TRDN: variants seen among roughly 807,000 people sequenced by gnomAD.
TRDN encodes triadin, also known as triadin in skeletal muscle.
A neutral mutation model predicts 149.7 loss-of-function variants in TRDN; 161 were observed. That is an observed-to-expected ratio of 1.08 (90% CI 0.95 to 1.23). The LOEUF (loss-of-function observed/expected upper bound fraction) is 1.23, where lower values mean the gene tolerates loss of function less well. TRDN is among the 50% of genes most tolerant of loss of function. The pLI, the probability that TRDN is intolerant of heterozygous loss-of-function variation, is 0.00. For missense variants in TRDN, 896 were observed against 823.5 expected, an observed-to-expected ratio of 1.09 and a Z score of -1.08; for synonymous variants, 294 against 250.5, an observed-to-expected ratio of 1.17 and a Z score of -1.64.
At chr6:123,303,525 G>A (rs1298645948) in intron 24 of TRDN, among the ~76,000 whole-genome samples, 5 of 152,136 alleles carry the variant, frequency 3.3e-5, no homozygotes, top group African/African-American at 1.2e-4. Context: ...CATGTTTACC[G>A]CTAGAAAGTC....
intron 1 of TRDN, among the ~76,000 whole-genome samples, chr6:123,626,640 T>G (rs559899739): frequency 6.6e-6 from 1 of 152,264 alleles, no homozygotes; most frequent in African/African-American, 2.4e-5. Flanking sequence ...TCATGAGGGT[T>G]GGAATCAACT....
intron 38 of TRDN, among the ~76,000 whole-genome samples, chr6:123,243,847 C>T (rs1776077997): frequency 6.6e-6 from 1 of 151,696 alleles, no homozygotes; most frequent in Admixed American, 6.6e-5. Context: ...TATCAATGTC[C>T]CCAGGAGCAA....
chr6:123,551,194 T>C (rs1014327807), intron 2 of TRDN, among the ~76,000 whole-genome samples: 3 of 61,452 alleles, frequency 4.9e-5, no homozygotes, highest in Non-Finnish European at 6.8e-5. Flanking sequence ...GCACTGTATG[T>C]ATTTTGCAGA....
chr6:123,539,359 G>A (rs1242464972), intron 4 of TRDN, among the ~76,000 whole-genome samples: 1 of 152,122 alleles, frequency 6.6e-6, no homozygotes, highest in African/African-American at 2.4e-5. Context: ...CATGGGCCAT[G>A]CTTTGAATTT....
At chr6:123,559,531 T>C (rs75380127) in intron 2 of TRDN, among the ~76,000 whole-genome samples, 1 of 152,088 alleles carries the variant, frequency 6.6e-6, no homozygotes, top group Non-Finnish European at 1.5e-5. Flanking sequence ...AAGAATAAGA[T>C]ACCTCTACTC....
chr6:123,623,584 C>G (rs900341421), intron 1 of TRDN, among the ~76,000 whole-genome samples: 1 of 152,132 alleles, frequency 6.6e-6, no homozygotes, highest in Non-Finnish European at 1.5e-5. Flanking sequence ...GCTTGGTTCA[C>G]TGAACCCAAG....
At chr6:123,481,615 C>T (rs972104791) in intron 9 of TRDN, among the ~76,000 whole-genome samples, 12 of 151,994 alleles carry the variant, frequency 7.9e-5, no homozygotes, top group African/African-American at 2.9e-4. Context: ...TAAGATGATC[C>T]ATACCTAGAA....
intron 22 of TRDN, among the ~76,000 whole-genome samples, chr6:123,333,287 G>C (rs1779731076): frequency 6.6e-6 from 1 of 151,976 alleles, no homozygotes; most frequent in Non-Finnish European, 1.5e-5. Flanking sequence ...TGATCTAAAT[G>C]GGTGAGTGTG....
At chr6:123,267,662 A>C in intron 32 of TRDN, 45 bp downstream of exon 32, 1 of 1,317,580 alleles carries the variant, frequency 7.6e-7, no homozygotes, top group Non-Finnish European at 1.0e-6. Flanking sequence ...ATATAATAAA[A>C]ATAGTGAACA....
intron 2 of TRDN, among the ~76,000 whole-genome samples, chr6:123,562,991 A>T (rs1465321343): frequency 6.6e-6 from 1 of 152,178 alleles, no homozygotes; most frequent in African/African-American, 2.4e-5. Context: ...TTCTCAACTG[A>T]AATTTTTCCA....
Position 123,277,716 on chromosome 6 carries a change from G to A in TRDN, c.1567+602C>T, listed in dbSNP as rs1777423500. On this transcript the variant is annotated intron_variant, in intron 26 of 40. Transcript: ENST00000334268. ...TTTCTCTCTACAGATTTCATGGAAAGCATGTCCCTTGTGACACCTTCATTT... is the reference window on the plus strand; with the variant it reads ...TTTCTCTCTACAGATTTCATGGAAAACATGTCCCTTGTGACACCTTCATTT... Among the ~76,000 whole-genome samples the A allele has an allele frequency of 3.3e-5, 5 of 152,154 alleles. No individual in the cohort carries two copies. In the South Asian group the frequency reaches 1.0e-3, roughly 31 times the overall value.
chr6:123,223,181 G>A (rs996817580), intron 39 of TRDN, among the ~76,000 whole-genome samples: 1 of 151,620 alleles, frequency 6.6e-6, no homozygotes, highest in African/African-American at 2.4e-5. Context: ...GCAAACTAAT[G>A]CAGGAACAGA....
chr6:123,440,065 T>A (rs2114599982), intron 10 of TRDN, among the ~76,000 whole-genome samples: 1 of 152,298 alleles, frequency 6.6e-6, no homozygotes, highest in South Asian at 2.1e-4. Flanking sequence ...CTAGAATGAA[T>A]CCTTAAGTTG....
intron 12 of TRDN, among the ~76,000 whole-genome samples, chr6:123,403,772 T>C (rs1055318168): frequency 4.0e-5 from 6 of 151,510 alleles, no homozygotes; most frequent in Admixed American, 6.6e-5. Context: ...TAACTGAAAA[T>C]AGAATTTTAC....
At chr6:123,327,215 A>T (rs1170216433) in intron 23 of TRDN, among the ~76,000 whole-genome samples, 2 of 152,060 alleles carry the variant, frequency 1.3e-5, no homozygotes, top group Non-Finnish European at 1.5e-5. Context: ...GCTCGCTGTT[A>T]TGTTCTCTCA....
At position 123,392,780 on chromosome 6, in the gene TRDN, C is replaced by T. The variant is rs1036214241; in HGVS notation, c.1105+844G>A. ...GGGTGATTCTGCATGTTGCTGGGTC[C>T]AAGATTAAATACAAGAGAAAAATTT... On this transcript the variant is annotated intron_variant, in intron 13 of 40. Transcript: ENST00000334268. Among the ~76,000 whole-genome samples, 5 of 151,832 alleles carry T rather than the reference C, an allele frequency of 3.3e-5. No individual in the cohort carries two copies. The East Asian group carries it at 7.7e-4, about 23-fold the overall frequency.
At chr6:123,270,923 G>C (rs1294307709) in intron 30 of TRDN, among the ~76,000 whole-genome samples, 1 of 151,826 alleles carries the variant, frequency 6.6e-6, no homozygotes, top group Non-Finnish European at 1.5e-5. Context: ...TTAAAGTTAT[G>C]CTACTCTAGC....
intron 1 of TRDN, among the ~76,000 whole-genome samples, chr6:123,598,345 G>A (rs1003558497): frequency 4.6e-5 from 7 of 151,928 alleles, no homozygotes; most frequent in East Asian, 1.9e-4. Context: ...ATAACAGATC[G>A]TATTGTATGT....
intron 4 of TRDN, among the ~76,000 whole-genome samples, chr6:123,541,051 A>G (rs1166756071): frequency 1.3e-5 from 2 of 152,232 alleles, no homozygotes; most frequent in African/African-American, 4.8e-5. Context: ...AACAGGAAAC[A>G]TACAGAACTG....
Sources: allele counts gnomAD v4.1 joint callset (sites outside exome capture counted in the v4.1 genomes callset), GRCh38; gene constraint gnomAD v4.1.1; transcripts MANE v1.5; gene names NCBI Gene and HGNC (gene_info 2026-07-23, HGNC 2026-07-21).